Variants in SIK3 observed in about 807,000 individuals in gnomAD.
SIK3 encodes the protein SIK family kinase 3.
Under a neutral mutation model 144.2 loss-of-function variants are expected in SIK3, and 28 were observed. The observed-to-expected ratio is 0.19, with a 90% confidence interval of 0.14 to 0.27. The LOEUF is 0.27. SIK3 is among the 10% of genes least tolerant of loss of function. The probability of loss-of-function intolerance (pLI) is 1.00; values close to 1 mark genes in which losing one functional copy is unlikely to be tolerated. For synonymous variants in SIK3, 686 were observed against 676.3 expected, an observed-to-expected ratio of 1.01 and a Z score of -0.22; for missense variants, 1,319 against 1,776.0, an observed-to-expected ratio of 0.74 and a Z score of 4.62.
At chr11:116,940,124 T>C (rs1027344312) in intron 3 of SIK3, among the ~76,000 whole-genome samples, 1 of 152,220 alleles carries the variant, frequency 6.6e-6, no homozygotes, top group African/African-American at 2.4e-5. Flanking sequence ...CTATAGAAGC[T>C]GGGCTGTTTG....
At position 116,862,421 on chromosome 11, in the gene SIK3, G is replaced by C. The variant is rs1943394996; in HGVS notation, c.2104-94C>G. 12 of 1,538,196 alleles carry C rather than the reference G, an allele frequency of 7.8e-6. No homozygotes were observed. In the South Asian group the frequency reaches 9.2e-5, roughly 12 times the overall value. On this transcript the variant is annotated intron_variant, in intron 16 of 24. Transcript: ENST00000445177. ...GCAGATCTGCCTCCAAGCTCTCATG[G>C]GCAGAAAGAGCCGCAAGAGAACAGT...
At chr11:116,987,299 ATT>A (rs929680120) in intron 1 of SIK3, among the ~76,000 whole-genome samples, 5 of 142,672 alleles carry the variant, frequency 3.5e-5, no homozygotes, top group African/African-American at 1.3e-4. Context: ...AAATGTGTGT[ATT>A]GTATGTCTTC....
intron 1 of SIK3, among the ~76,000 whole-genome samples, chr11:117,012,213 A>G (rs1224207344): frequency 6.6e-6 from 1 of 152,052 alleles, no homozygotes; most frequent in Non-Finnish European, 1.5e-5. Context: ...GACTCAAGCA[A>G]TTCTCTCATC....
Position 116,874,956 on chromosome 11 carries a change from G to A in SIK3, c.1427+202C>T, listed in dbSNP as rs541557131. ...TGGGAAAACACTTTGGGAAACTGTT[G>A]TTATTGGATTTTGGATCCTTATTCA... On this transcript the variant is annotated intron_variant, in intron 11 of 24. Coordinates refer to ENST00000445177, the MANE Select transcript of SIK3 (RefSeq NM_001366686.3). Among the ~76,000 whole-genome samples the A allele has an allele frequency of 8.9e-4, 135 of 152,308 alleles. 1 individual carries two copies. The highest frequency in any genetic ancestry group is 3.2e-3 in the African/African-American group (132 of 41,576).
At chr11:116,974,276 G>A (rs1237726740) in intron 1 of SIK3, among the ~76,000 whole-genome samples, 7 of 152,208 alleles carry the variant, frequency 4.6e-5, no homozygotes, top group Non-Finnish European at 7.3e-5. Flanking sequence ...GGAGATACCA[G>A]ACTAAACAAC....
At chr11:117,058,115 T>C (rs2135942822) in intron 1 of SIK3, among the ~76,000 whole-genome samples, 1 of 152,234 alleles carries the variant, frequency 6.6e-6, no homozygotes, top group South Asian at 2.1e-4. Flanking sequence ...TACAAAGCCC[T>C]GTGCTAAGAA....
At chr11:117,049,722 G>C (rs1182038543) in intron 1 of SIK3, among the ~76,000 whole-genome samples, 1 of 151,890 alleles carries the variant, frequency 6.6e-6, no homozygotes, top group Admixed American at 6.6e-5. Context: ...TTTGGAAGCT[G>C]AAGTGGAGGA....
At chr11:117,016,005 G>A (rs79870586) in intron 1 of SIK3, 12,182 of 151,998 alleles carry the variant, frequency 0.08, 621 homozygotes, top group African/African-American at 0.13. Context: ...AAAGAAAAAA[G>A]TTGGGCAGTA....
At chr11:116,980,873 A>C (rs1432873405) in intron 1 of SIK3, among the ~76,000 whole-genome samples, 5 of 152,064 alleles carry the variant, frequency 3.3e-5, no homozygotes. Context: ...GAAATAAAGA[A>C]AGAAAAATTA....
chr11:117,067,583 G>T (rs1439859373), intron 1 of SIK3, among the ~76,000 whole-genome samples: 1 of 152,188 alleles, frequency 6.6e-6, no homozygotes, highest in African/African-American at 2.4e-5. Flanking sequence ...TCTGTATCTT[G>T]ATTGTATGGT....
Position 116,875,467 on chromosome 11 carries a change from T to C in SIK3, c.1240-16A>G. 1 of 1,612,530 alleles carries C rather than the reference T, an allele frequency of 6.2e-7. No homozygotes were observed. The highest frequency in any genetic ancestry group is 8.5e-7 in the Non-Finnish European group (1 of 1,178,808). The stretch of plus-strand genomic sequence containing the variant: ...CCTGCTCCGCCTGGAAAGCAGTACA[T>C]ACATATACACGCATACCTTTAACAC... On this transcript the variant is annotated splice_polypyrimidine_tract_variant and intron_variant, in intron 9 of 24. Coordinates refer to ENST00000445177, the MANE Select transcript of SIK3 (RefSeq NM_001366686.3).
chr11:116,958,357 C>T (rs932196058), intron 1 of SIK3, among the ~76,000 whole-genome samples: 9 of 152,086 alleles, frequency 5.9e-5, no homozygotes, highest in Non-Finnish European at 1.3e-4. Flanking sequence ...TGAGGACCCA[C>T]GGGAGAAAGG....
intron 15 of SIK3, among the ~76,000 whole-genome samples, chr11:116,866,785 CTT>C (rs1943671167): frequency 1.3e-5 from 2 of 152,178 alleles, no homozygotes; most frequent in Admixed American, 1.3e-4. Flanking sequence ...TCCTGAGAGA[CTT>C]TCATTAGAAA....
chr11:117,074,226 A>C (rs1011672201), intron 1 of SIK3, among the ~76,000 whole-genome samples: 1 of 152,236 alleles, frequency 6.6e-6, no homozygotes, highest in African/African-American at 2.4e-5. Flanking sequence ...GCTGATGTCC[A>C]GTTCCACTTA....
intron 3 of SIK3, among the ~76,000 whole-genome samples, chr11:116,936,490 C>T (rs1947928768): frequency 1.3e-5 from 2 of 152,140 alleles, no homozygotes; most frequent in African/African-American, 2.4e-5. Context: ...CTAACGTTCT[C>T]TTTATCTTCC....
chr11:116,999,044 T>C (rs766454556), intron 1 of SIK3, among the ~76,000 whole-genome samples: 75 of 152,172 alleles, frequency 4.9e-4, no homozygotes, highest in Non-Finnish European at 1.3e-4. Context: ...AAATTCCAAA[T>C]CCAATTCCAG....
chr11:116,910,770 G>GA (rs1181149282), intron 4 of SIK3, among the ~76,000 whole-genome samples: 1 of 150,942 alleles, frequency 6.6e-6, no homozygotes, highest in South Asian at 2.1e-4. Context: ...AAATATAAAG[G>GA]AAAAAAAATC....
At chr11:117,049,540 T>G (rs1346220515) in intron 1 of SIK3, among the ~76,000 whole-genome samples, 1 of 151,694 alleles carries the variant, frequency 6.6e-6, no homozygotes, top group African/African-American at 2.4e-5. Flanking sequence ...ATCGCGCCAC[T>G]GCATACCAGC....
intron 1 of SIK3, among the ~76,000 whole-genome samples, chr11:117,066,163 G>T (rs1373777439): frequency 6.6e-6 from 1 of 150,888 alleles, no homozygotes; most frequent in Admixed American, 6.7e-5. Context: ...TCCGCCTCCG[G>T]ATTCAAGTGA....
Sources: gnomAD v4.1 joint callset for allele counts (sites outside exome capture counted in the v4.1 genomes callset) on GRCh38, gnomAD v4.1.1 for gene constraint, MANE v1.5 for transcripts, NCBI Gene and HGNC (gene_info 2026-07-23, HGNC 2026-07-21) for gene names.